The following DAB1 variants were observed in gnomAD, a reference collection of about 807,000 sequenced individuals.
The protein encoded by DAB1 is disabled homolog 1.
Under a neutral mutation model 64.6 loss-of-function variants are expected in DAB1, and 15 were observed. The ratio of observed to expected loss-of-function variants is 0.23; its 90% CI spans 0.16 to 0.36. The LOEUF is 0.36. Ranked by LOEUF, DAB1 falls within the 10% of genes least tolerant of loss-of-function variation. DAB1 has a pLI of 1.00. For missense variants in DAB1, 596 were observed against 706.7 expected, an observed-to-expected ratio of 0.84 and a Z score of 1.78; for synonymous variants, 235 against 251.9, an observed-to-expected ratio of 0.93 and a Z score of 0.64.
intron 1 of DAB1, among the ~76,000 whole-genome samples, chr1:57,839,507 A>G (rs1203571960): frequency 6.6e-6 from 1 of 152,228 alleles, no homozygotes; most frequent in Non-Finnish European, 1.5e-5. Flanking sequence ...TGGCTAAAAA[A>G]CATTTATTAT....
intron 3 of DAB1, among the ~76,000 whole-genome samples, chr1:58,477,667 C>T (rs529295403): frequency 6.6e-6 from 1 of 152,274 alleles, no homozygotes; most frequent in East Asian, 1.9e-4. Flanking sequence ...GCATGCAACC[C>T]TGGGAGCTAC....
chr1:57,247,221 G>A (rs1168237029), intron 2 of DAB1, among the ~76,000 whole-genome samples: 6 of 152,154 alleles, frequency 3.9e-5, no homozygotes, highest in Non-Finnish European at 8.8e-5. Context: ...CACACGTCAG[G>A]AGAGGGGCCT....
chr1:58,185,812 G>A (rs1657041803), intron 4 of DAB1, among the ~76,000 whole-genome samples: 1 of 152,102 alleles, frequency 6.6e-6, no homozygotes, highest in Non-Finnish European at 1.5e-5. Context: ...GTGTTCAGGT[G>A]GTACTGCCCT....
intron 2 of DAB1, among the ~76,000 whole-genome samples, chr1:58,525,994 C>A (rs138676682): frequency 6.6e-6 from 1 of 151,944 alleles, no homozygotes; most frequent in East Asian, 1.9e-4. Context: ...TATTAGCTAT[C>A]CATAGGGGAA....
intron 3 of DAB1, among the ~76,000 whole-genome samples, chr1:58,379,206 C>T (rs185328987): frequency 7.9e-5 from 12 of 152,098 alleles, no homozygotes; most frequent in South Asian, 2.1e-4. Flanking sequence ...GCTCCTCCCC[C>T]CCAGCTTACT....
chr1:58,025,649 GTGTATATATATATATA>G lies in DAB1; in HGVS notation n.387+124846_387+124861del, dbSNP rs1369598514. On this transcript the variant is annotated intron_variant and non_coding_transcript_variant, in intron 5 of 20. Transcript: ENST00000485760. ...TAAATATAATATTATATATATATGT[GTGTATATATATATATA>G]TATATATATATATATATATATGGCC... is the stretch of plus-strand genomic sequence containing the variant. 1.2e-4 allele frequency among the ~76,000 whole-genome samples: 14 copies of G among 115,060 alleles called. 1 individual carries two copies. The highest frequency in any genetic ancestry group is 2.2e-4 in the African/African-American group (6 of 27,284). The allele number at this position is 115,060 out of a possible 152,430, so 75.5% of individuals were successfully genotyped here.
rs752750594 is a variant in DAB1 at position 58,473,895 on chromosome 1, T to C, written n.257+32165A>G. 1.1e-5 allele frequency: 10 copies of C among 913,728 alleles called. No individual in the cohort carries two copies. The South Asian group carries it at 1.4e-4, about 12-fold the overall frequency. The allele number at this position is 913,728 out of a possible 1,614,324, so 56.6% of individuals were successfully genotyped here. A position where few individuals can be genotyped will look rare whatever the true frequency, so the allele number is the denominator to read the frequency against. ...ATTTCAACTCCGACAGATTTCTGTGTTCTGGATGAAGCTGTTGAGCGTTAA... is the reference window on the plus strand; with the variant it reads ...ATTTCAACTCCGACAGATTTCTGTGCTCTGGATGAAGCTGTTGAGCGTTAA... On this transcript the variant is annotated intron_variant and non_coding_transcript_variant, in intron 3 of 20. Coordinates refer to the DAB1 transcript ENST00000485760.
chr1:57,527,231 G>C (rs901768240), intron 7 of DAB1, among the ~76,000 whole-genome samples: 1 of 152,146 alleles, frequency 6.6e-6, no homozygotes, highest in African/African-American at 2.4e-5. Flanking sequence ...TCCTTATCCA[G>C]ATGGACTCTG....
At chr1:57,231,899 C>A (rs1200697521) in intron 2 of DAB1, among the ~76,000 whole-genome samples, 1 of 152,184 alleles carries the variant, frequency 6.6e-6, no homozygotes, top group East Asian at 1.9e-4. Context: ...CATCCAGCCT[C>A]TTTTCTGATA....
intron 1 of DAB1, among the ~76,000 whole-genome samples, chr1:58,544,131 T>G (rs1646665122): frequency 1.3e-5 from 2 of 152,192 alleles, no homozygotes; most frequent in Admixed American, 6.5e-5. Context: ...TTCAAAACTT[T>G]TAAGTAAAGC....
intron 3 of DAB1, among the ~76,000 whole-genome samples, chr1:58,379,104 G>A (rs338947): frequency 0.08 from 12,001 of 149,934 alleles, 581 homozygotes; most frequent in Non-Finnish European, 0.12. Flanking sequence ...AGATGAACCC[G>A]GTACCTCAGA....
chr1:57,454,746 G>A (rs753983665), intron 7 of DAB1, among the ~76,000 whole-genome samples: 1 of 152,012 alleles, frequency 6.6e-6, no homozygotes, highest in Non-Finnish European at 1.5e-5. Flanking sequence ...TCTAGACCGG[G>A]AGGAAAAGTT....
intron 2 of DAB1, among the ~76,000 whole-genome samples, chr1:57,288,948 A>C (rs761631121): frequency 6.6e-6 from 1 of 152,316 alleles, no homozygotes; most frequent in East Asian, 1.9e-4. Flanking sequence ...CCATTTTATA[A>C]GAGAGGAAAA....
intron 2 of DAB1, among the ~76,000 whole-genome samples, chr1:57,288,610 C>T (rs898866304): frequency 6.6e-6 from 1 of 152,136 alleles, no homozygotes. Flanking sequence ...TGATCTTAGA[C>T]TTTCTAGCCT....
intron 6 of DAB1, among the ~76,000 whole-genome samples, chr1:57,677,008 A>G (rs561870215): frequency 6.6e-6 from 1 of 152,190 alleles, no homozygotes; most frequent in Non-Finnish European, 1.5e-5. Context: ...GATAGGGCTG[A>G]CAAGAAGGTA....
At chr1:57,603,282 G>A (rs530126602) in intron 7 of DAB1, among the ~76,000 whole-genome samples, 1 of 152,268 alleles carries the variant, frequency 6.6e-6, no homozygotes, top group Non-Finnish European at 1.5e-5. Flanking sequence ...GTACCCTGTA[G>A]GTGGCACAGT....
At chr1:58,024,045 ATTTG>A (rs1646851959) in intron 5 of DAB1, among the ~76,000 whole-genome samples, 1 of 152,084 alleles carries the variant, frequency 6.6e-6, no homozygotes, top group South Asian at 2.1e-4. Flanking sequence ...TTTTTTATTA[ATTTG>A]TTTGTCAAGC....
At chr1:57,312,122 C>G (rs1159662997) in intron 1 of DAB1, among the ~76,000 whole-genome samples, 1 of 152,166 alleles carries the variant, frequency 6.6e-6, no homozygotes, top group Admixed American at 6.5e-5. Flanking sequence ...CATTTTTATG[C>G]CATCCATAAT....
chr1:57,097,747 CT>C (rs1654296872), intron 4 of DAB1, among the ~76,000 whole-genome samples: 1 of 144,860 alleles, frequency 6.9e-6, no homozygotes, highest in Non-Finnish European at 1.5e-5. Context: ...AACTTTATTT[CT>C]TTTTTATTTT....
Sources: gnomAD v4.1 joint callset for allele counts (sites outside exome capture counted in the v4.1 genomes callset) on GRCh38, gnomAD v4.1.1 for gene constraint, MANE v1.5 for transcripts, NCBI Gene and HGNC (gene_info 2026-07-23, HGNC 2026-07-21) for gene names.